The following PARM1 variants were observed in gnomAD, a reference collection of about 807,000 sequenced individuals.
PARM1 encodes the protein prostate androgen-regulated mucin-like protein 1.
Under a neutral mutation model 24.6 loss-of-function variants are expected in PARM1, and 14 were observed. The observed-to-expected ratio is 0.57, with a 90% CI of 0.38 to 0.89. The LOEUF (loss-of-function observed/expected upper bound fraction) is 0.89, where lower values mean the gene tolerates loss of function less well. PARM1 is among the 40% of genes least tolerant of loss of function. PARM1 has a pLI of 0.00. For missense variants in PARM1, 362 were observed against 380.4 expected, an observed-to-expected ratio of 0.95 and a Z score of 0.40; for synonymous variants, 179 against 156.6, an observed-to-expected ratio of 1.14 and a Z score of -1.07.
In PARM1 at chr4:74,937,261, G is replaced by T. The variant is rs1159312844; in HGVS notation, c.43+3891G>T. On this transcript the variant is annotated intron_variant, in intron 1 of 3. Coordinates refer to ENST00000307428, the MANE Select transcript of PARM1 (RefSeq NM_015393.4). ...GTAAAGGAACAGGAAGGCTGATCAT[G>T]ATTTGTTGGGGGTGGTTGTGAAGAG... Among the ~76,000 whole-genome samples, 4 of 152,208 alleles carry T rather than the reference G, an allele frequency of 2.6e-5. No individual in the cohort carries two copies. In the East Asian group the frequency reaches 7.7e-4, roughly 29 times the overall value.
intron 1 of PARM1, among the ~76,000 whole-genome samples, chr4:74,948,496 T>G (rs1237254234): frequency 2.0e-5 from 3 of 152,196 alleles, no homozygotes; most frequent in Non-Finnish European, 1.5e-5. Context: ...TGTACTGGCA[T>G]GTAGAAAAGC....
At chr4:74,935,982 C>G (rs1032666469) in intron 1 of PARM1, among the ~76,000 whole-genome samples, 31 of 152,204 alleles carry the variant, frequency 2.0e-4, no homozygotes, top group African/African-American at 7.2e-4. Context: ...CAGGTTCACA[C>G]CACCATAGGC....
intron 2 of PARM1, among the ~76,000 whole-genome samples, chr4:75,025,525 A>G (rs1242066217): frequency 1.3e-5 from 2 of 152,234 alleles, no homozygotes; most frequent in Admixed American, 6.5e-5. Context: ...GTGGGAAAAG[A>G]TTGTAATTCT....
chr4:75,006,146 AT>A (rs915061543), intron 1 of PARM1, among the ~76,000 whole-genome samples: 26 of 151,826 alleles, frequency 1.7e-4, no homozygotes, highest in East Asian at 5.8e-4. Flanking sequence ...TGACTTTTTA[AT>A]TTTTTTTTAT....
chr4:75,012,996 A>G lies in PARM1; in HGVS notation c.615A>G (p.Thr205=). ...CAGAGGAGTCCAGCTCTGACCACAC[A>G]CCCACTTCACATGCCACAGCTGAGC... The part of the protein sequence containing the change: ...SPTEESSSDH[T]PTSHATAEPV... Residue 205 remains threonine (T), a synonymous_variant, in exon 2 of 4, where the codon ACA becomes ACG. Transcript: ENST00000307428. The G allele has an allele frequency of 1.9e-6, 3 of 1,613,776 alleles. No individual in the cohort carries two copies. Among genetic ancestry groups the G allele is most frequent in the Non-Finnish European group, 2.5e-6 (3 of 1,179,838 alleles).
Position 75,013,129 on chromosome 4 carries a change from G to A in PARM1, c.748G>A (p.Val250Ile), listed in dbSNP as rs372148685. ...CTTTCCCAGGGTGATCATGCAGGAA[G>A]TAGAACATGCATTAAGTTCAGGTGA... Reference protein sequence around the residue: ...TTFPRVIMQEVEHALSSGSIA... With the variant: ...TTFPRVIMQEIEHALSSGSIA... The change falls in exon 2 of 4, where the codon GTA becomes ATA. Residue 250 changes from valine to isoleucine, a missense_variant. Physicochemically the swap from Val to Ile is conservative, Grantham distance 29. Coordinates refer to ENST00000307428, the MANE Select transcript of PARM1 (RefSeq NM_015393.4). The A allele has an allele frequency of 1.2e-6, 2 of 1,613,120 alleles. No homozygotes were observed. The highest frequency in any genetic ancestry group is 1.1e-5 in the South Asian group (1 of 91,016).
At chr4:74,963,997 C>A (rs1484787743) in intron 1 of PARM1, among the ~76,000 whole-genome samples, 1 of 152,184 alleles carries the variant, frequency 6.6e-6, no homozygotes, top group African/African-American at 2.4e-5. Context: ...TATCTCTTCC[C>A]TTCTGCAGAG....
chr4:75,002,285 T>C (rs1449453689), intron 1 of PARM1, among the ~76,000 whole-genome samples: 1 of 152,198 alleles, frequency 6.6e-6, no homozygotes, highest in East Asian at 1.9e-4. Context: ...TTGGGCTTTG[T>C]AAAATTCTGA....
chr4:74,994,799 TATAAATAA>T (rs3062355), intron 1 of PARM1, among the ~76,000 whole-genome samples: 69 of 145,158 alleles, frequency 4.8e-4, no homozygotes, highest in South Asian at 8.9e-4. Context: ...TCTCAAAAAA[TATAAATAA>T]ATAAATAAAT....
chr4:74,964,225 T>G (rs1236755755), intron 1 of PARM1, among the ~76,000 whole-genome samples: 1 of 152,208 alleles, frequency 6.6e-6, no homozygotes, highest in Non-Finnish European at 1.5e-5. Flanking sequence ...GAAGGAGCTA[T>G]TAATACTTAG....
chr4:75,032,704 C>T (rs1217414082), intron 2 of PARM1, among the ~76,000 whole-genome samples: 2 of 152,136 alleles, frequency 1.3e-5, no homozygotes, highest in African/African-American at 4.8e-5. Context: ...GTATAAGAGT[C>T]GTCAGGGTTA....
intron 3 of PARM1, among the ~76,000 whole-genome samples, chr4:75,039,212 A>G (rs777386040): frequency 9.9e-5 from 15 of 152,192 alleles, no homozygotes; most frequent in Non-Finnish European, 1.8e-4. Flanking sequence ...TAATGTGCAT[A>G]AGAATCAATG....
At chr4:74,967,543 A>G (rs998841450) in intron 1 of PARM1, 1 of 152,212 alleles carries the variant, frequency 6.6e-6, no homozygotes, top group African/African-American at 2.4e-5. Context: ...TTGAAGGCTT[A>G]TAGTGGCACA....
intron 1 of PARM1, among the ~76,000 whole-genome samples, chr4:74,992,588 A>G (rs1722499903): frequency 6.6e-6 from 1 of 152,178 alleles, no homozygotes; most frequent in Non-Finnish European, 1.5e-5. Flanking sequence ...AAGTCTTTAC[A>G]TCAGCCAGAG....
At chr4:75,044,491 A>T (rs569518130) in intron 3 of PARM1, among the ~76,000 whole-genome samples, 2 of 152,230 alleles carry the variant, frequency 1.3e-5, no homozygotes, top group Non-Finnish European at 2.9e-5. Flanking sequence ...TGTGTGTCAG[A>T]TATTCTTCTG....
chr4:74,945,192 C>T (rs1204543841), intron 1 of PARM1, among the ~76,000 whole-genome samples: 1 of 152,110 alleles, frequency 6.6e-6, no homozygotes, highest in Non-Finnish European at 1.5e-5. Context: ...TTGTGTGCGC[C>T]TGTGGAGAAA....
chr4:74,973,487 A>G (rs1203872686), intron 1 of PARM1, among the ~76,000 whole-genome samples: 1 of 108,550 alleles, frequency 9.2e-6, no homozygotes, highest in Non-Finnish European at 1.7e-5. Flanking sequence ...CTCCCCAGTT[A>G]TATATCACAG....
intron 1 of PARM1, among the ~76,000 whole-genome samples, chr4:74,977,021 C>T (rs574000643): frequency 5.2e-4 from 79 of 152,160 alleles, no homozygotes; most frequent in African/African-American, 1.9e-3. Context: ...GCAAGAATAC[C>T]GAAAACTCAA....
At chr4:75,037,811 A>G (rs994305129) in intron 3 of PARM1, among the ~76,000 whole-genome samples, 3 of 152,240 alleles carry the variant, frequency 2.0e-5, no homozygotes, top group Admixed American at 6.5e-5. Context: ...TGCAAAAAAT[A>G]GAGTTAATAA....
Sources: allele counts gnomAD v4.1 joint callset (sites outside exome capture counted in the v4.1 genomes callset), GRCh38; gene constraint gnomAD v4.1.1; transcripts MANE v1.5; gene names NCBI Gene and HGNC (gene_info 2026-07-23, HGNC 2026-07-21).